The following DYNLRB1 variants were observed in gnomAD, a reference collection of about 807,000 sequenced individuals.
DYNLRB1 encodes the protein ROBL/LC7-like 1.
A neutral mutation model predicts 13.5 loss-of-function variants in DYNLRB1; 6 were observed. That is an observed-to-expected ratio of 0.44 (90% CI 0.24 to 0.88). DYNLRB1 has a LOEUF of 0.88. DYNLRB1 is among the 40% of genes least tolerant of loss of function. The pLI is 0.21. For missense variants in DYNLRB1, 93 were observed against 127.2 expected, an observed-to-expected ratio of 0.73 and a Z score of 1.29; for synonymous variants, 43 against 45.0, an observed-to-expected ratio of 0.96 and a Z score of 0.18.
intron 3 of DYNLRB1, chr20:34,535,650 G>T: frequency 1.0e-6 from 1 of 985,308 alleles, no homozygotes; most frequent in East Asian, 1.1e-4. Context: ...CCACATAGTT[G>T]AGTGTGCGTG....
intron 3 of DYNLRB1, chr20:34,535,148 G>C (rs1981042955): frequency 2.0e-6 from 2 of 985,262 alleles, no homozygotes; most frequent in South Asian, 9.4e-5. Context: ...CAGAAGAGGG[G>C]ACACTGGAGC....
chr20:34,519,421 C>CATATACATATATTTGTATATGTATA (rs1979532475), intron 1 of DYNLRB1, among the ~76,000 whole-genome samples: 1 of 152,102 alleles, frequency 6.6e-6, no homozygotes, highest in Non-Finnish European at 1.5e-5. Flanking sequence ...TACTTTAAGG[C>CATATACATATATTTGTATATGTATA]TGAAGTGGAG....
At chr20:34,535,857 C>T (rs1416274187) in intron 3 of DYNLRB1, 4 of 985,052 alleles carry the variant, frequency 4.1e-6, no homozygotes, top group African/African-American at 1.8e-5. Flanking sequence ...TGATTAGGAC[C>T]TGGATAAAGG....
chr20:34,529,215 A>C (rs1337712643), intron 2 of DYNLRB1, among the ~76,000 whole-genome samples: 1 of 152,222 alleles, frequency 6.6e-6, no homozygotes, highest in Non-Finnish European at 1.5e-5. Context: ...ACACTTGGAC[A>C]TCCCAAGAGG....
intron 2 of DYNLRB1, among the ~76,000 whole-genome samples, chr20:34,531,908 G>T (rs1371196376): frequency 6.6e-6 from 1 of 152,200 alleles, no homozygotes; most frequent in Non-Finnish European, 1.5e-5. Flanking sequence ...CAGGCAGAGG[G>T]ATCTGTGAGA....
chr20:34,521,931 G>A (rs927548438), intron 1 of DYNLRB1, among the ~76,000 whole-genome samples: 25 of 151,992 alleles, frequency 1.6e-4, no homozygotes, highest in Admixed American at 1.4e-3. Context: ...CCACGTGTTC[G>A]GGAGGCTGAA....
rs987672717 is a variant in DYNLRB1, at chr20:34,526,517, T to C, written c.79+174T>C. 5 of 570,892 alleles carry C rather than the reference T, an allele frequency of 8.8e-6. No homozygotes were observed. In the Admixed American group the frequency reaches 1.9e-4, roughly 22 times the overall value. 35.4% of individuals were successfully genotyped at this position (570,892 alleles called of 1,614,324 possible). ...TTTTTTTTTTTTTTTTCATTAAGGC[T>C]AGTCAGGTGAAGCAGCGGGAGTGGA... On this transcript the variant is annotated intron_variant, in intron 2 of 3. Coordinates refer to ENST00000357156, the MANE Select transcript of DYNLRB1 (RefSeq NM_014183.4).
At chr20:34,536,599 G>T in intron 3 of DYNLRB1, 1 of 474,858 alleles carries the variant, frequency 2.1e-6, no homozygotes, top group Non-Finnish European at 2.8e-6. Context: ...AAAAAAATTA[G>T]CTGGGCATGG....
At chr20:34,521,726 CT>C in intron 1 of DYNLRB1, among the ~76,000 whole-genome samples, 1 of 152,300 alleles carries the variant, frequency 6.6e-6, no homozygotes, top group South Asian at 2.1e-4. Flanking sequence ...GCATTTCTTT[CT>C]CATCATTTGA....
intron 1 of DYNLRB1, among the ~76,000 whole-genome samples, chr20:34,522,717 A>G (rs551491418): frequency 1.8e-4 from 28 of 151,924 alleles, no homozygotes; most frequent in African/African-American, 6.5e-4. Flanking sequence ...CAAGCAGTCT[A>G]CCTGCTTTGG....
At chr20:34,533,418 G>T in intron 2 of DYNLRB1, 1 of 943,128 alleles carries the variant, frequency 1.1e-6, no homozygotes, top group Non-Finnish European at 1.3e-6. Flanking sequence ...AACTTGGCAC[G>T]GCCATGTGGA....
intron 1 of DYNLRB1, among the ~76,000 whole-genome samples, chr20:34,525,655 T>C (rs1180988916): frequency 1.3e-5 from 2 of 152,112 alleles, no homozygotes; most frequent in Non-Finnish European, 2.9e-5. Flanking sequence ...AGGCCTGGCA[T>C]GGCAGAATGA....
At chr20:34,516,288 A>T, upstream of DYNLRB1, 1 of 1,095,476 alleles carries the variant, frequency 9.1e-7, no homozygotes, top group Non-Finnish European at 1.3e-6. Context: ...AGTGGAAAGC[A>T]GATTTTCCAA....
chr20:34,526,486 T>A (rs1026947082), intron 2 of DYNLRB1, 143 bp downstream of exon 2: 145 of 177,850 alleles, frequency 8.2e-4, no homozygotes, highest in Non-Finnish European at 9.7e-4. Context: ...TCCAGTGTTC[T>A]TTTTTTTTTT....
intron 3 of DYNLRB1, among the ~76,000 whole-genome samples, chr20:34,537,726 C>T (rs934167457): frequency 6.6e-6 from 1 of 152,172 alleles, no homozygotes; most frequent in Non-Finnish European, 1.5e-5. Context: ...CCAGGGGTGG[C>T]CACAGGCGTA....
chr20:34,519,216 A>G (rs1979514869), intron 1 of DYNLRB1, among the ~76,000 whole-genome samples: 1 of 152,108 alleles, frequency 6.6e-6, no homozygotes, highest in African/African-American at 2.4e-5. Flanking sequence ...ACCACCATGT[A>G]TGTTAACAAT....
intron 2 of DYNLRB1, among the ~76,000 whole-genome samples, chr20:34,532,145 TAGTC>T (rs1045163977): frequency 4.6e-5 from 7 of 152,174 alleles, no homozygotes; most frequent in African/African-American, 1.2e-4. Flanking sequence ...GTTTAAGCAA[TAGTC>T]ACATCCCTTC....
chr20:34,523,241 G>A (rs1979906931), intron 1 of DYNLRB1, among the ~76,000 whole-genome samples: 1 of 152,154 alleles, frequency 6.6e-6, no homozygotes, highest in East Asian at 1.9e-4. Flanking sequence ...GCACCTGGCA[G>A]GGCAGGGGTA....
At chr20:34,522,632 A>G (rs550903054) in intron 1 of DYNLRB1, among the ~76,000 whole-genome samples, 2 of 151,214 alleles carry the variant, frequency 1.3e-5, no homozygotes, top group African/African-American at 2.4e-5. Context: ...GACACCACGC[A>G]TGGTTAATTT....
Sources: allele counts gnomAD v4.1 joint callset (sites outside exome capture counted in the v4.1 genomes callset), GRCh38; gene constraint gnomAD v4.1.1; transcripts MANE v1.5; gene names NCBI Gene and HGNC (gene_info 2026-07-23, HGNC 2026-07-21).